The following ATP11C variants were observed in gnomAD, a reference collection of about 807,000 sequenced individuals.
The protein encoded by ATP11C is ATPase phospholipid transporting 11C (ATP11C blood group).
ATP11C carries 36 observed loss-of-function variants against 97.4 expected under a neutral mutation model. The ratio of observed to expected loss-of-function variants is 0.37; its 90% CI spans 0.28 to 0.49. The LOEUF (loss-of-function observed/expected upper bound fraction) is 0.49, where lower values mean the gene tolerates loss of function less well. Among genes scored for constraint, ATP11C ranks in the 20% least tolerant of loss-of-function variants. The pLI is 0.98. For missense variants in ATP11C, 730 were observed against 824.6 expected, an observed-to-expected ratio of 0.89 and a Z score of 1.40; for synonymous variants, 275 against 290.9, an observed-to-expected ratio of 0.95 and a Z score of 0.56.
rs1003628887 is a variant in ATP11C, at chrX:139,726,746, C to A, written c.*2220G>T. The A allele has an allele frequency of 2.7e-5, 3 of 111,876 alleles. No individual in the cohort carries two copies. Among genetic ancestry groups the A allele is most frequent in the Non-Finnish European group, 5.7e-5 (3 of 53,085 alleles). The allele number at this position is 111,876 out of a possible 1,213,427, so 9.2% of individuals were successfully genotyped here. A position where few individuals can be genotyped will look rare whatever the true frequency, so the allele number is the denominator to read the frequency against. On this transcript the variant is annotated 3_prime_UTR_variant, in exon 30 of 30. Coordinates refer to ENST00000682941, the MANE Select transcript of ATP11C (RefSeq NM_001353812.2). ...AAATTACAAAGACATTTTGATAGCT[C>A]AAAATTATTCAAATTATAGGTAGAT...
At chrX:139,912,730 CTGATT>C (rs1445975140) in intron 1 of ATP11C, among the ~76,000 whole-genome samples, 1 of 57,819 alleles carries the variant, frequency 1.7e-5, no homozygotes, top group African/African-American at 5.7e-5. Context: ...AATAAATCTT[CTGATT>C]TGATTACGTA....
chrX:139,735,843 CAG>C (rs750888627), intron 28 of ATP11C, among the ~76,000 whole-genome samples: 1 of 110,989 alleles, frequency 9.0e-6, no homozygotes, highest in Non-Finnish European at 1.9e-5. Context: ...CCTGAAATCC[CAG>C]AGTCTGAAAA....
chrX:139,849,399 C>T (rs1569479307), intron 1 of ATP11C, among the ~76,000 whole-genome samples: 1 of 111,104 alleles, frequency 9.0e-6, no homozygotes, highest in Non-Finnish European at 1.9e-5. Flanking sequence ...TATTTCTAGC[C>T]TCTTCTCCCC....
intron 1 of ATP11C, among the ~76,000 whole-genome samples, chrX:139,846,679 T>C (rs769757544): frequency 9.0e-6 from 1 of 111,565 alleles, no homozygotes; most frequent in African/African-American, 3.3e-5. Flanking sequence ...TAATCATAGA[T>C]CATAAGTAAG....
chrX:139,913,796 G>T (rs559258008), intron 1 of ATP11C, among the ~76,000 whole-genome samples: 1 of 111,912 alleles, frequency 8.9e-6, no homozygotes, highest in South Asian at 3.7e-4. Context: ...GAACAGCCTT[G>T]TTGCTCACAC....
At chrX:139,817,152 G>C (rs1207593210) in intron 3 of ATP11C, among the ~76,000 whole-genome samples, 1 of 112,181 alleles carries the variant, frequency 8.9e-6, no homozygotes, top group African/African-American at 3.2e-5. Context: ...TTTTATCCCA[G>C]CTTGGATTAA....
chrX:139,911,223 A>G (rs1199822356), intron 1 of ATP11C, among the ~76,000 whole-genome samples: 1 of 111,926 alleles, frequency 8.9e-6, no homozygotes, highest in Non-Finnish European at 1.9e-5. Context: ...GATATCTGCA[A>G]CATAGATAAC....
At chrX:139,772,935 T>A (rs1411227726) in intron 19 of ATP11C, among the ~76,000 whole-genome samples, 2 of 110,688 alleles carry the variant, frequency 1.8e-5, no homozygotes, top group African/African-American at 3.3e-5. Context: ...GGTTTTGAAA[T>A]GTGAGGACAT....
At chrX:139,729,011 G>T (rs765925197) in intron 29 of ATP11C, 49 bp from the exon 30 acceptor site, 1 of 960,758 alleles carries the variant, frequency 1.0e-6, no homozygotes, top group Admixed American at 2.3e-5. Flanking sequence ...TTAATAATGT[G>T]AAACCATCTG....
chrX:139,765,361 T>C (rs950238262), intron 20 of ATP11C, among the ~76,000 whole-genome samples: 2 of 111,707 alleles, frequency 1.8e-5, no homozygotes, highest in African/African-American at 3.3e-5. Context: ...ATAAATGAAG[T>C]AGTAGAGTTA....
intron 1 of ATP11C, among the ~76,000 whole-genome samples, chrX:139,861,697 T>G (rs2084199080): frequency 9.1e-6 from 1 of 110,466 alleles, no homozygotes; most frequent in Admixed American, 9.7e-5. Flanking sequence ...CCTGCATACC[T>G]AACACAGTAT....
At chrX:139,841,574 A>G (rs1213393021) in intron 1 of ATP11C, among the ~76,000 whole-genome samples, 5 of 112,041 alleles carry the variant, frequency 4.5e-5, no homozygotes, top group Non-Finnish European at 9.4e-5. Flanking sequence ...GAGGTAAGGA[A>G]AACTCTCCTT....
chrX:139,927,984 C>T (rs1478947096), intron 1 of ATP11C, among the ~76,000 whole-genome samples: 2 of 111,563 alleles, frequency 1.8e-5, no homozygotes, highest in Non-Finnish European at 3.8e-5. Context: ...TACTAGGGAC[C>T]AGGCACTGTG....
At chrX:139,759,762 T>C (rs1307954779) in intron 22 of ATP11C, among the ~76,000 whole-genome samples, 1 of 111,912 alleles carries the variant, frequency 8.9e-6, no homozygotes, top group Non-Finnish European at 1.9e-5. Flanking sequence ...AAGATGATAA[T>C]GGGCCTAGAG....
At chrX:139,850,636 C>T (rs1294481705) in intron 1 of ATP11C, among the ~76,000 whole-genome samples, 2 of 111,273 alleles carry the variant, frequency 1.8e-5, no homozygotes, top group Non-Finnish European at 3.8e-5. Context: ...CAACAGGGGC[C>T]GGGGGCAGTG....
intron 1 of ATP11C, among the ~76,000 whole-genome samples, chrX:139,904,770 G>A (rs772551212): frequency 3.9e-4 from 43 of 110,923 alleles, no homozygotes; most frequent in African/African-American, 1.2e-3. Flanking sequence ...TCCTCGGGGA[G>A]AGAGCATTCC....
intron 18 of ATP11C, 113 bp downstream of exon 18, chrX:139,782,434 A>G (rs1261816090): frequency 1.1e-5 from 5 of 474,327 alleles, no homozygotes; most frequent in African/African-American, 5.0e-5. Flanking sequence ...CTTTAAGTCC[A>G]CTTAAACAAT....
At chrX:139,785,413 G>T in intron 15 of ATP11C, 114 bp from the exon 16 acceptor site, 1 of 495,072 alleles carries the variant, frequency 2.0e-6, no homozygotes. Flanking sequence ...CACTGGTTGT[G>T]TGCACAACTG....
chrX:139,841,474 T>C (rs2083829171), intron 1 of ATP11C, among the ~76,000 whole-genome samples: 1 of 112,799 alleles, frequency 8.9e-6, no homozygotes, highest in Non-Finnish European at 1.9e-5. Context: ...GTTGAAATGA[T>C]TGGTGGTACA....
Sources: gnomAD v4.1 joint callset for allele counts (sites outside exome capture counted in the v4.1 genomes callset) on GRCh38, gnomAD v4.1.1 for gene constraint, MANE v1.5 for transcripts, NCBI Gene and HGNC (gene_info 2026-07-23, HGNC 2026-07-21) for gene names.